TPRG1: variants seen among roughly 807,000 people sequenced by gnomAD.
The protein encoded by TPRG1 is tumor protein p63 regulated 1.
TPRG1 carries 29 observed loss-of-function variants against 29.3 expected under a neutral mutation model. The observed-to-expected ratio is 0.99, with a 90% CI of 0.74 to 1.35. The LOEUF is 1.35. Among genes scored for constraint, TPRG1 ranks in the 40% most tolerant of loss-of-function variants. TPRG1 has a pLI of 0.00. For missense variants in TPRG1, 327 were observed against 335.0 expected, an observed-to-expected ratio of 0.98 and a Z score of 0.19; for synonymous variants, 130 against 116.8, an observed-to-expected ratio of 1.11 and a Z score of -0.73.
chr3:189,162,710 G>A (rs1727645308), intron 5 of TPRG1, among the ~76,000 whole-genome samples: 1 of 152,096 alleles, frequency 6.6e-6, no homozygotes, highest in African/African-American at 2.4e-5. Context: ...AAAACCCTAG[G>A]AGATCACTGA....
intron 3 of TPRG1, among the ~76,000 whole-genome samples, chr3:189,018,392 T>C (rs552343041): frequency 3.4e-4 from 51 of 149,426 alleles, no homozygotes; most frequent in African/African-American, 1.2e-3. Flanking sequence ...TAATCCATCT[T>C]GAATTGATTT....
chr3:189,107,195 G>A (rs1719928032), intron 1 of TPRG1, among the ~76,000 whole-genome samples: 1 of 151,846 alleles, frequency 6.6e-6, no homozygotes, highest in Non-Finnish European at 1.5e-5. Flanking sequence ...TTTTCTTTAG[G>A]TGACCTATTA....
In TPRG1 at chr3:189,310,400, G is replaced by A. The variant is rs777113509; in HGVS notation, c.494G>A (p.Gly165Asp). 10 of 1,607,378 alleles carry A rather than the reference G, an allele frequency of 6.2e-6. No homozygotes were observed. Among genetic ancestry groups the A allele is most frequent in the Non-Finnish European group, 8.5e-6 (10 of 1,175,956 alleles). ...GMSLDKRQGE[G>D]LRIYWGSPEE... The stretch of plus-strand genomic sequence containing the variant: ...CTTTCTTGTAGGAGACAAGGAGAAG[G>A]CCTTAGGATCTACTGGGGGAGTCCG... The change falls in exon 5 of 6, where the codon GGC (glycine) becomes GAC (aspartate). Residue 165 changes from glycine to aspartate, a missense_variant. Gly to Asp is a moderately conservative substitution (Grantham distance 94, BLOSUM62 -1). Transcript: ENST00000345063.
At chr3:189,002,736 T>G (rs1442596272) in intron 2 of TPRG1, among the ~76,000 whole-genome samples, 3 of 152,166 alleles carry the variant, frequency 2.0e-5, no homozygotes, top group Non-Finnish European at 4.4e-5. Context: ...CTGATGAATA[T>G]TGAAACAGAA....
At chr3:189,148,606 T>C (rs1351292024) in intron 4 of TPRG1, among the ~76,000 whole-genome samples, 1 of 152,080 alleles carries the variant, frequency 6.6e-6, no homozygotes, top group South Asian at 2.1e-4. Context: ...GGCAAGAAGC[T>C]ATAGAAAAAA....
chr3:189,308,409 G>A (rs1721948363), intron 4 of TPRG1, among the ~76,000 whole-genome samples: 1 of 152,176 alleles, frequency 6.6e-6, no homozygotes, highest in African/African-American at 2.4e-5. Flanking sequence ...TTCTAATGGT[G>A]TTTGACAAAA....
chr3:189,284,914 G>A (rs1404211402), intron 4 of TPRG1, among the ~76,000 whole-genome samples: 1 of 152,072 alleles, frequency 6.6e-6, no homozygotes, highest in Non-Finnish European at 1.5e-5. Context: ...AAAAGCAATG[G>A]CAACAAAAGC....
intron 2 of TPRG1, among the ~76,000 whole-genome samples, chr3:189,129,535 A>T (rs1467570406): frequency 6.6e-6 from 1 of 152,194 alleles, no homozygotes; most frequent in Non-Finnish European, 1.5e-5. Flanking sequence ...GAGACTATAA[A>T]AATATGCTGT....
At chr3:189,207,347 TCAATGAGA>T (rs1422746943) in intron 1 of TPRG1, 21 bp from the exon 2 acceptor site, 1 of 1,612,472 alleles carries the variant, frequency 6.2e-7, no homozygotes, top group Admixed American at 1.7e-5. Flanking sequence ...TAACATTTTT[TCAATGAGA>T]TTTTTCTGCC....
At chr3:189,271,856 A>G (rs1183644878) in intron 4 of TPRG1, among the ~76,000 whole-genome samples, 1 of 152,196 alleles carries the variant, frequency 6.6e-6, no homozygotes, top group Non-Finnish European at 1.5e-5. Context: ...TGGTATGATG[A>G]CATGTTAACT....
chr3:189,088,312 A>T (rs1047402236), intron 4 of TPRG1, among the ~76,000 whole-genome samples: 1 of 151,968 alleles, frequency 6.6e-6, no homozygotes, highest in African/African-American at 2.4e-5. Context: ...TTTGTCTGTT[A>T]TTGGTGTATA....
At chr3:189,176,174 C>T (rs1729463319) in intron 1 of TPRG1, among the ~76,000 whole-genome samples, 1 of 152,164 alleles carries the variant, frequency 6.6e-6, no homozygotes, top group South Asian at 2.1e-4. Flanking sequence ...AAACTTTTCT[C>T]ATTTTCATGT....
At position 189,320,814 on chromosome 3, in the gene TPRG1, T is replaced by A; in HGVS notation, c.822T>A (p.Gly274=). The A allele has an allele frequency of 6.3e-7, 1 of 1,576,240 alleles. No homozygotes were observed. Among genetic ancestry groups the A allele is most frequent in the Non-Finnish European group, 8.6e-7 (1 of 1,161,948 alleles). ...LGYSLARGSI[G]F ...ATTCCCTTGCCCGTGGGAGTATTGG[T>A]TTTTGAGAGTCTTTTTGGTACCATA... The change falls in exon 6 of 6, where the codon GGT becomes GGA. Residue 274 remains glycine (G), a synonymous_variant. Transcript: ENST00000345063.
At chr3:189,047,526 TA>T (rs1183181657) in intron 4 of TPRG1, among the ~76,000 whole-genome samples, 1 of 152,202 alleles carries the variant, frequency 6.6e-6, no homozygotes, top group Admixed American at 6.5e-5. Flanking sequence ...ATCAATTCCT[TA>T]AAATAAGACA....
chr3:189,120,476 A>C (rs1378286573), intron 1 of TPRG1: 1 of 152,216 alleles, frequency 6.6e-6, no homozygotes, highest in Non-Finnish European at 1.5e-5. Context: ...AGAGTCTGGC[A>C]TACTGGAAAG....
At chr3:189,206,109 TTTC>T (rs559168871) in intron 1 of TPRG1, among the ~76,000 whole-genome samples, 4 of 150,888 alleles carry the variant, frequency 2.7e-5, no homozygotes, top group Non-Finnish European at 5.9e-5. Context: ...TCCTTCTTTC[TTTC>T]TTCTCTTTTT....
intron 1 of TPRG1, among the ~76,000 whole-genome samples, chr3:189,183,536 C>T (rs1367119986): frequency 1.3e-5 from 2 of 152,014 alleles, no homozygotes; most frequent in Non-Finnish European, 1.5e-5. Context: ...ACTGGGGTTT[C>T]TTTCACCCCT....
At chr3:189,312,402 G>T (rs909405643) in intron 5 of TPRG1, among the ~76,000 whole-genome samples, 30 of 151,480 alleles carry the variant, frequency 2.0e-4, no homozygotes, top group African/African-American at 7.0e-4. Flanking sequence ...TTTTCCCAAA[G>T]ACATTTTCCT....
At chr3:189,025,105 T>C (rs575766654) in intron 4 of TPRG1, among the ~76,000 whole-genome samples, 2 of 152,320 alleles carry the variant, frequency 1.3e-5, no homozygotes, top group East Asian at 1.9e-4. Context: ...ATCACCTTTC[T>C]TGGGGATCCT....
Sources: gnomAD v4.1 joint callset for allele counts (sites outside exome capture counted in the v4.1 genomes callset) on GRCh38, gnomAD v4.1.1 for gene constraint, MANE v1.5 for transcripts, NCBI Gene and HGNC (gene_info 2026-07-23, HGNC 2026-07-21) for gene names.